The following PDS5B variants were observed in gnomAD, a reference collection of about 807,000 sequenced individuals.
PDS5B encodes sister chromatid cohesion protein PDS5 homolog B.
Under a neutral mutation model 184.1 loss-of-function variants are expected in PDS5B, and 51 were observed. The observed-to-expected ratio is 0.28, with a 90% CI of 0.22 to 0.35. The LOEUF (loss-of-function observed/expected upper bound fraction) is 0.35, where lower values mean the gene tolerates loss of function less well. Ranked by LOEUF, PDS5B falls within the 10% of genes least tolerant of loss-of-function variation. The pLI is 1.00. For missense variants in PDS5B, 1,180 were observed against 1,723.3 expected (o/e 0.68, Z 5.58); for synonymous variants, 566 against 569.2 (o/e 0.99, Z 0.08).
At chr13:32,728,070 T>C (rs542881803) in intron 19 of PDS5B, among the ~76,000 whole-genome samples, 1 of 152,082 alleles carries the variant, frequency 6.6e-6, no homozygotes, top group South Asian at 2.1e-4. Context: ...TATAATCTGC[T>C]TTTAATTCCA....
At chr13:32,627,472 T>G (rs2058387253) in intron 1 of PDS5B, among the ~76,000 whole-genome samples, 1 of 152,180 alleles carries the variant, frequency 6.6e-6, no homozygotes, top group Admixed American at 6.5e-5. Context: ...TTTCCTGGGT[T>G]TTTTTTACTC....
chr13:32,774,984 T>A (rs1954908707), intron 34 of PDS5B, 33 bp from the exon 35 acceptor site: 10 of 1,602,292 alleles, frequency 6.2e-6, no homozygotes, highest in Non-Finnish European at 6.8e-6. Context: ...ATATACCCAT[T>A]TTAATTAAGC....
At chr13:32,621,789 G>A (rs927718641) in intron 1 of PDS5B, among the ~76,000 whole-genome samples, 3 of 152,106 alleles carry the variant, frequency 2.0e-5, no homozygotes, top group Non-Finnish European at 1.5e-5. Flanking sequence ...AATCTTGCTG[G>A]AATATAGCCA....
intron 1 of PDS5B, among the ~76,000 whole-genome samples, chr13:32,610,974 CT>C (rs1269861770): frequency 2.0e-5 from 3 of 151,330 alleles, no homozygotes; most frequent in African/African-American, 7.3e-5. Flanking sequence ...GAAATTATCA[CT>C]TTCCTTTTTA....
At chr13:32,714,794 A>G (rs942826796) in intron 19 of PDS5B, among the ~76,000 whole-genome samples, 3 of 152,142 alleles carry the variant, frequency 2.0e-5, no homozygotes, top group African/African-American at 7.2e-5. Context: ...TTGCTCAAAC[A>G]CACATGCTAT....
At chr13:32,688,415 T>C (rs1369105248) in intron 12 of PDS5B, 41 bp from the exon 13 acceptor site, 2 of 990,952 alleles carry the variant, frequency 2.0e-6, no homozygotes, top group Middle Eastern at 2.2e-4. Context: ...TTTAGAACAT[T>C]AGAAAAAAAT....
rs757979187 is a variant in PDS5B, at chr13:32,706,859, T to C, written c.1857-75T>C. The C allele has an allele frequency of 5.9e-6, 5 of 848,058 alleles. No individual in the cohort carries two copies. In the South Asian group the frequency reaches 8.5e-5, roughly 14 times the overall value. The allele number at this position is 848,058 out of a possible 1,614,324, so 52.5% of individuals were successfully genotyped here. ...ATATGTATATATGTATGTGCACATATATGTAACACAGGATTATTTTTCTTA... is the reference window on the plus strand; with the variant it reads ...ATATGTATATATGTATGTGCACATACATGTAACACAGGATTATTTTTCTTA... On this transcript the variant is annotated intron_variant, in intron 17 of 34. Transcript: ENST00000315596.
intron 30 of PDS5B, among the ~76,000 whole-genome samples, chr13:32,762,787 C>T (rs1218276385): frequency 1.3e-5 from 2 of 151,950 alleles, no homozygotes; most frequent in South Asian, 2.1e-4. Flanking sequence ...TAATTATTGT[C>T]GTATTTGACT....
chr13:32,724,621 G>T (rs1952836134), intron 19 of PDS5B, among the ~76,000 whole-genome samples: 1 of 151,982 alleles, frequency 6.6e-6, no homozygotes, highest in African/African-American at 2.4e-5. Context: ...TTGCTCTGTT[G>T]CCCAGGCTAG....
chr13:32,670,143 T>A (rs116199377), intron 7 of PDS5B, among the ~76,000 whole-genome samples: 4 of 134,406 alleles, frequency 3.0e-5, no homozygotes, highest in African/African-American at 8.0e-5. Flanking sequence ...TTTTTTTTTT[T>A]ATTCGATAGT....
intron 23 of PDS5B, among the ~76,000 whole-genome samples, chr13:32,743,199 TGTA>T (rs1953621312): frequency 6.6e-6 from 1 of 152,096 alleles, no homozygotes; most frequent in Admixed American, 6.6e-5. Context: ...GTAAGTACAG[TGTA>T]GTGATTGAAA....
intron 12 of PDS5B, among the ~76,000 whole-genome samples, chr13:32,687,630 G>C (rs763908042): frequency 1.2e-4 from 18 of 152,110 alleles, no homozygotes; most frequent in Non-Finnish European, 2.4e-4. Context: ...TTAAAAAGCT[G>C]TTGAATTTTA....
At chr13:32,667,165 A>G (rs1382455111) in intron 6 of PDS5B, among the ~76,000 whole-genome samples, 1 of 152,088 alleles carries the variant, frequency 6.6e-6, no homozygotes, top group Non-Finnish European at 1.5e-5. Context: ...TTTTATCTTT[A>G]CTTCCTTGTA....
chr13:32,648,931 G>A (rs749843718), intron 2 of PDS5B, 51 bp downstream of exon 2: 32 of 851,766 alleles, frequency 3.8e-5, no homozygotes, highest in Non-Finnish European at 6.1e-5. Flanking sequence ...GAGGTCCCCT[G>A]TGGAAATCAC....
At chr13:32,657,731 C>T (rs1950551084) in intron 3 of PDS5B, among the ~76,000 whole-genome samples, 1 of 151,852 alleles carries the variant, frequency 6.6e-6, no homozygotes. Flanking sequence ...TGGGGAAAAG[C>T]AGGTAATTAC....
At chr13:32,703,305 G>A (rs1175806153) in intron 17 of PDS5B, among the ~76,000 whole-genome samples, 4 of 152,134 alleles carry the variant, frequency 2.6e-5, no homozygotes, top group Non-Finnish European at 5.9e-5. Context: ...CTAGGTTATT[G>A]TAATGTTTTG....
chr13:32,687,478 G>T (rs911009967), intron 12 of PDS5B, among the ~76,000 whole-genome samples, 193 bp downstream of exon 12: 1 of 152,086 alleles, frequency 6.6e-6, no homozygotes, highest in Non-Finnish European at 1.5e-5. Context: ...TAACTTTAGG[G>T]ATGGGTACAG....
At chr13:32,667,928 A>T in intron 7 of PDS5B, 84 bp downstream of exon 7, 1 of 641,780 alleles carries the variant, frequency 1.6e-6, no homozygotes, top group South Asian at 2.5e-5. Flanking sequence ...ATCAGATAGT[A>T]TATAGTTTTA....
intron 15 of PDS5B, 30 bp from the exon 16 acceptor site, chr13:32,699,700 G>C: frequency 7.7e-7 from 1 of 1,290,476 alleles, no homozygotes; most frequent in Non-Finnish European, 1.0e-6. Context: ...AAAAAAAATT[G>C]ATTTTAATTG....
Sources: allele counts gnomAD v4.1 joint callset (sites outside exome capture counted in the v4.1 genomes callset), GRCh38; gene constraint gnomAD v4.1.1; transcripts MANE v1.5; gene names NCBI Gene and HGNC (gene_info 2026-07-23, HGNC 2026-07-21).